CLNK: variants seen among roughly 807,000 people sequenced by gnomAD.
CLNK encodes the protein cytokine dependent hematopoietic cell linker, also known as cytokine-dependent hematopoietic cell linker.
In CLNK, 74 loss-of-function variants were observed where a neutral mutation model predicts 68.6. The observed-to-expected ratio is 1.08, with a 90% CI of 0.89 to 1.31. CLNK has a LOEUF of 1.31. CLNK is among the 50% of genes most tolerant of loss of function. The pLI is 0.00. For synonymous variants in CLNK, 198 were observed against 172.2 expected, an observed-to-expected ratio of 1.15 and a Z score of -1.17; for missense variants, 553 against 515.3, an observed-to-expected ratio of 1.07 and a Z score of -0.71.
chr4:10,652,176 T>C (rs943071754), intron 2 of CLNK, among the ~76,000 whole-genome samples: 3 of 151,212 alleles, frequency 2.0e-5, no homozygotes, highest in South Asian at 2.1e-4. Flanking sequence ...AGGTTAGGAG[T>C]TTGAGGCCAG....
chr4:10,717,300 G>A, the CLNK span, among the ~76,000 whole-genome samples: 1 of 152,170 alleles, frequency 6.6e-6, no homozygotes, highest in South Asian at 2.1e-4. Context: ...AGAGGGGGTG[G>A]AGTAAAAAGC....
chr4:10,563,602 T>G (rs1265858845), intron 7 of CLNK, among the ~76,000 whole-genome samples: 1 of 152,198 alleles, frequency 6.6e-6, no homozygotes, highest in Non-Finnish European at 1.5e-5. Context: ...GTTTGACAGA[T>G]ATCTGCATAG....
At chr4:10,698,800 G>A in the CLNK span, among the ~76,000 whole-genome samples, 3 of 152,178 alleles carry the variant, frequency 2.0e-5, no homozygotes, top group Admixed American at 6.5e-5. Context: ...CTGTGCAGGT[G>A]TTTCTGAATG....
At chr4:10,644,905 A>G (rs923398375) in intron 2 of CLNK, among the ~76,000 whole-genome samples, 2 of 152,292 alleles carry the variant, frequency 1.3e-5, no homozygotes, top group South Asian at 4.1e-4. Flanking sequence ...TAGGACTTCA[A>G]ATTTCTACAA....
chr4:10,728,596 CTTTCTTTCT>C, the CLNK span, among the ~76,000 whole-genome samples: 97 of 124,430 alleles, frequency 7.8e-4, no homozygotes, highest in Middle Eastern at 4.4e-3. Flanking sequence ...TTCTTTCTTT[CTTTCTTTCT>C]TTTTTTTTTT....
intron 15 of CLNK, among the ~76,000 whole-genome samples, chr4:10,518,784 A>G (rs1174214060): frequency 1.3e-5 from 2 of 152,218 alleles, no homozygotes; most frequent in Non-Finnish European, 2.9e-5. Flanking sequence ...ACGTACAACT[A>G]TGGAGGTGTA....
chr4:10,706,081 C>G, the CLNK span, among the ~76,000 whole-genome samples: 9 of 152,282 alleles, frequency 5.9e-5, no homozygotes, highest in African/African-American at 1.4e-4. Context: ...TGGGTCTGTG[C>G]TAGAGTCTTG....
intron 5 of CLNK, among the ~76,000 whole-genome samples, chr4:10,569,493 T>C (rs181558307): frequency 1.3e-3 from 195 of 152,310 alleles, no homozygotes; most frequent in Non-Finnish European, 1.7e-3. Context: ...GGTCTTGGAC[T>C]TCTGGTCTTC....
intron 1 of CLNK, among the ~76,000 whole-genome samples, chr4:10,681,142 A>G (rs1407569779): frequency 1.3e-5 from 2 of 152,216 alleles, no homozygotes; most frequent in Non-Finnish European, 2.9e-5. Context: ...CCCAATATCA[A>G]TTTAGTTTCC....
At chr4:10,651,139 G>A (rs1723717441) in intron 2 of CLNK, among the ~76,000 whole-genome samples, 1 of 152,168 alleles carries the variant, frequency 6.6e-6, no homozygotes, top group Non-Finnish European at 1.5e-5. Flanking sequence ...AGACAGTACG[G>A]CAATTCCTCA....
chr4:10,568,125 A>C (rs1720194024), intron 5 of CLNK, among the ~76,000 whole-genome samples: 2 of 152,260 alleles, frequency 1.3e-5, no homozygotes, highest in South Asian at 4.1e-4. Flanking sequence ...AAAAGTGGAA[A>C]TAACCCAAGT....
chr4:10,617,690 A>G (rs953480205), intron 2 of CLNK, among the ~76,000 whole-genome samples: 1 of 152,218 alleles, frequency 6.6e-6, no homozygotes, highest in Admixed American at 6.5e-5. Flanking sequence ...CAGTATCTCT[A>G]CTGTTATTTT....
intron 2 of CLNK, among the ~76,000 whole-genome samples, chr4:10,648,554 G>A (rs1723602647): frequency 1.3e-5 from 2 of 152,134 alleles, no homozygotes; most frequent in African/African-American, 4.8e-5. Context: ...CAAATGTTCT[G>A]CTACTTCAAG....
intron 12 of CLNK, among the ~76,000 whole-genome samples, chr4:10,532,013 T>C (rs962820277): frequency 2.0e-5 from 3 of 152,260 alleles, no homozygotes; most frequent in Non-Finnish European, 4.4e-5. Flanking sequence ...GGGCACGTTC[T>C]TCCTATAACA....
At chr4:10,734,108 A>AT in the CLNK span, among the ~76,000 whole-genome samples, 15 of 152,052 alleles carry the variant, frequency 9.9e-5, no homozygotes, top group African/African-American at 2.4e-4. Context: ...TCATTATCTC[A>AT]TTTTTTTCCC....
At chr4:10,694,045 AGCTTCTTCAGCGTTT>A in the CLNK span, among the ~76,000 whole-genome samples, 2 of 152,062 alleles carry the variant, frequency 1.3e-5, no homozygotes, top group Admixed American at 1.3e-4. Context: ...ATGGTGTACC[AGCTTCTTCAGCGTTT>A]GCTATTGGTG....
intron 2 of CLNK, among the ~76,000 whole-genome samples, chr4:10,630,082 T>A (rs2531206): frequency 0.96 from 145,858 of 152,282 alleles, 70,058 homozygotes; most frequent in East Asian, 1. Context: ...TGAAGGGATA[T>A]AACAGAGGAT....
chr4:10,674,523 T>A (rs1253045503), intron 1 of CLNK, among the ~76,000 whole-genome samples: 1 of 152,200 alleles, frequency 6.6e-6, no homozygotes, highest in Non-Finnish European at 1.5e-5. Flanking sequence ...ATATAATTTA[T>A]TAACCCTGAC....
chr4:10,688,919 G>A (rs1404634286), upstream of CLNK, among the ~76,000 whole-genome samples: 2 of 151,606 alleles, frequency 1.3e-5, no homozygotes, highest in South Asian at 2.1e-4. Flanking sequence ...TAGTACAGAA[G>A]AGTCCTATGT....
Sources: allele counts gnomAD v4.1 joint callset (sites outside exome capture counted in the v4.1 genomes callset), GRCh38; gene constraint gnomAD v4.1.1; transcripts MANE v1.5; gene names NCBI Gene and HGNC (gene_info 2026-07-23, HGNC 2026-07-21).